STOX2: variants seen among roughly 807,000 people sequenced by gnomAD.
The protein encoded by STOX2 is storkhead box 2.
In STOX2, 28 loss-of-function variants were observed where a neutral mutation model predicts 60.9. The ratio of observed to expected loss-of-function variants is 0.46; its 90% CI spans 0.34 to 0.63. The LOEUF (loss-of-function observed/expected upper bound fraction) is 0.63. STOX2 is among the 30% of genes least tolerant of loss of function. STOX2 has a pLI of 0.01. For missense variants in STOX2, 1,024 were observed against 1,187.7 expected (o/e 0.86, Z 2.03); for synonymous variants, 472 against 463.9 (o/e 1.02, Z -0.22).
intron 1 of STOX2, among the ~76,000 whole-genome samples, chr4:183,960,991 C>G (rs1052226490): frequency 1.3e-5 from 2 of 152,284 alleles, no homozygotes; most frequent in South Asian, 4.1e-4. Context: ...GACACATGAG[C>G]TACACCCCTC....
intron 1 of STOX2, among the ~76,000 whole-genome samples, chr4:183,892,377 C>G (rs1011904254): frequency 1.3e-5 from 2 of 152,200 alleles, no homozygotes; most frequent in African/African-American, 4.8e-5. Flanking sequence ...CTCCCGGGTT[C>G]ACGCCATTCT....
intron 1 of STOX2, among the ~76,000 whole-genome samples, chr4:183,934,058 C>T (rs573736174): frequency 2.0e-5 from 3 of 152,186 alleles, no homozygotes; most frequent in Admixed American, 1.3e-4. Flanking sequence ...GATCCTAGCA[C>T]TTTGGGAGGC....
chr4:183,849,494 C>T (rs75682866), intron 1 of STOX2, among the ~76,000 whole-genome samples: 2,844 of 152,332 alleles, frequency 0.019, 104 homozygotes, highest in African/African-American at 0.064. Context: ...ATAGCATTTA[C>T]AGGGCTTGGA....
At chr4:183,889,523 C>T (rs1865546) in intron 1 of STOX2, among the ~76,000 whole-genome samples, 72,942 of 152,164 alleles carry the variant, frequency 0.48, 19,691 homozygotes, top group East Asian at 0.6. Flanking sequence ...TGTGGTGTTT[C>T]GTTACAGCAG....
chr4:183,854,179 AAC>A (rs1275489432), intron 1 of STOX2, among the ~76,000 whole-genome samples: 1 of 152,242 alleles, frequency 6.6e-6, no homozygotes, highest in African/African-American at 2.4e-5. Context: ...GTCATCGTCA[AAC>A]ACATATAAGT....
intron 1 of STOX2, among the ~76,000 whole-genome samples, chr4:183,918,627 T>A (rs4600960): frequency 6.6e-6 from 1 of 152,114 alleles, no homozygotes; most frequent in Non-Finnish European, 1.5e-5. Flanking sequence ...GCCAGTAGGC[T>A]CTCTCCTGCC....
In STOX2 at chr4:184,011,591, T is replaced by A; in HGVS notation, c.2585+168T>A. 1 of 1,533,180 alleles carries A rather than the reference T, an allele frequency of 6.5e-7. No homozygotes were observed. Among genetic ancestry groups the A allele is most frequent in the Non-Finnish European group, 8.7e-7 (1 of 1,144,508 alleles). 95.0% of individuals were successfully genotyped at this position (1,533,180 alleles called of 1,614,324 possible). A position where few individuals can be genotyped will look rare whatever the true frequency, so the allele number is the denominator to read the frequency against. ...TGTTTCTGACTTCTTTTTCAGGAAT[T>A]GAAAAAAATGTTTCTGCACCTGTAG... On this transcript the variant is annotated intron_variant, in intron 3 of 3. Coordinates refer to ENST00000308497, the MANE Select transcript of STOX2 (RefSeq NM_020225.3). The surrounding 1 kb of genome is among the most constrained non-coding windows in gnomAD (Gnocchi z 4.4).
chr4:183,997,681 A>G (rs189093286), intron 1 of STOX2, among the ~76,000 whole-genome samples: 75 of 152,316 alleles, frequency 4.9e-4, no homozygotes, highest in Admixed American at 2.7e-3. Context: ...ATTTGGGTGT[A>G]GACAGGATTG....
intron 1 of STOX2, among the ~76,000 whole-genome samples, chr4:183,946,411 G>A (rs1020884445): frequency 6.6e-6 from 1 of 152,080 alleles, no homozygotes; most frequent in South Asian, 2.1e-4. Flanking sequence ...CCATGAGGAG[G>A]GGGGGTTGGG....
intron 1 of STOX2, among the ~76,000 whole-genome samples, chr4:183,993,491 A>C (rs189941751): frequency 6.6e-6 from 1 of 152,348 alleles, no homozygotes. Flanking sequence ...CAGTATGATT[A>C]ATGAGTGTCT....
In STOX2 at chr4:183,806,205, G is replaced by A. The variant is rs898336180; in HGVS notation, c.364+8150G>A. ...AAAGACTCCATTTTCCCAATTTATTGTGAAGGCCCTGTAATAATTTTCTAA... is the reference window on the plus strand; with the variant it reads ...AAAGACTCCATTTTCCCAATTTATTATGAAGGCCCTGTAATAATTTTCTAA... On this transcript the variant is annotated intron_variant, in intron 1 of 2. Transcript: ENST00000513034. The surrounding 1 kb of genome is among the most constrained non-coding windows in gnomAD (Gnocchi z 4.1). Among the ~76,000 whole-genome samples the A allele has an allele frequency of 1.3e-5, 2 of 152,152 alleles. No individual in the cohort carries two copies. Among genetic ancestry groups the A allele is most frequent in the Admixed American group, 1.3e-4 (2 of 15,280 alleles).
At chr4:183,864,003 A>G (rs749225259) in intron 1 of STOX2, among the ~76,000 whole-genome samples, 2 of 152,152 alleles carry the variant, frequency 1.3e-5, no homozygotes, top group African/African-American at 2.4e-5. Context: ...CTCCAGCTCC[A>G]TCTGTATTTC....
At chr4:183,818,486 T>C (rs756570112) in intron 1 of STOX2, among the ~76,000 whole-genome samples, 37 of 152,262 alleles carry the variant, frequency 2.4e-4, no homozygotes, top group Non-Finnish European at 4.6e-4. Flanking sequence ...GAGTCTCCTA[T>C]GTCTACTTCC....
At chr4:183,869,958 A>G (rs1014182471) in intron 1 of STOX2, among the ~76,000 whole-genome samples, 2 of 152,182 alleles carry the variant, frequency 1.3e-5, no homozygotes, top group African/African-American at 4.8e-5. Context: ...CTTCTGATTC[A>G]CAAGCAGGCC....
chr4:183,874,994 A>ATATAT (rs1560857959), intron 1 of STOX2, among the ~76,000 whole-genome samples: 6 of 99,724 alleles, frequency 6.0e-5, no homozygotes, highest in African/African-American at 2.2e-4. Flanking sequence ...TATATATATA[A>ATATAT]AACTTAGAAT....
At position 183,926,771 on chromosome 4, in the gene STOX2, G is replaced by A. The variant is rs528711163; in HGVS notation, c.166+19815G>A. On this transcript the variant is annotated intron_variant, in intron 1 of 3. Coordinates refer to ENST00000308497, the MANE Select transcript of STOX2 (RefSeq NM_020225.3). The stretch of plus-strand genomic sequence containing the variant: ...CCCAAGTAGCTGGGACTTGGCACGC[G>A]CCACCATGCCTGGCTAATTTTTGTA... Among the ~76,000 whole-genome samples the A allele has an allele frequency of 4.6e-5, 7 of 152,216 alleles. 1 individual carries two copies. The highest frequency in any genetic ancestry group is 3.9e-4 in the East Asian group (2 of 5,184).
chr4:184,002,531 G>A (rs1405682239), intron 2 of STOX2, among the ~76,000 whole-genome samples: 1 of 152,226 alleles, frequency 6.6e-6, no homozygotes, highest in Non-Finnish European at 1.5e-5. Flanking sequence ...AGCTGAGCCA[G>A]GTGGGGCCCA....
intron 1 of STOX2, among the ~76,000 whole-genome samples, chr4:183,828,261 G>A (rs1339153244): frequency 6.6e-6 from 1 of 152,150 alleles, no homozygotes; most frequent in African/African-American, 2.4e-5. Flanking sequence ...ACTGGCAGAG[G>A]GTGTTGGCGC....
intron 1 of STOX2, among the ~76,000 whole-genome samples, chr4:183,817,977 A>G (rs1266625252): frequency 6.6e-6 from 1 of 152,160 alleles, no homozygotes; most frequent in African/African-American, 2.4e-5. Context: ...TGAAGTAACT[A>G]TCACTGTACT....
Sources: gnomAD v4.1 joint callset for allele counts (sites outside exome capture counted in the v4.1 genomes callset) on GRCh38, gnomAD v4.1.1 for gene constraint, Gnocchi (gnomAD v3.1) non-coding constraint, MANE v1.5 for transcripts, NCBI Gene and HGNC (gene_info 2026-07-23, HGNC 2026-07-21) for gene names.